MAP3K19: variants seen among roughly 807,000 people sequenced by gnomAD.
MAP3K19 encodes the protein SPS1/STE20-related protein kinase YSK4.
Under a neutral mutation model 114.4 loss-of-function variants are expected in MAP3K19, and 91 were observed. The observed-to-expected ratio is 0.80, with a 90% CI of 0.67 to 0.95. MAP3K19 has a LOEUF of 0.95. Ranked by LOEUF, MAP3K19 falls within the 40% of genes least tolerant of loss-of-function variation. The pLI, the probability that MAP3K19 is intolerant of heterozygous loss-of-function variation, is 0.00. For synonymous variants in MAP3K19, 518 were observed against 530.5 expected, an observed-to-expected ratio of 0.98 and a Z score of 0.32; for missense variants, 1,471 against 1,573.2, an observed-to-expected ratio of 0.94 and a Z score of 1.10.
At chr2:135,007,969 A>C (rs1218893779) in intron 5 of MAP3K19, among the ~76,000 whole-genome samples, 1 of 152,228 alleles carries the variant, frequency 6.6e-6, no homozygotes, top group Non-Finnish European at 1.5e-5. Flanking sequence ...TGTTTCTCTT[A>C]AGTATTTAAA....
chr2:135,009,172 C>A (rs931287302), intron 5 of MAP3K19, among the ~76,000 whole-genome samples: 1 of 148,784 alleles, frequency 6.7e-6, no homozygotes, highest in African/African-American at 2.5e-5. Flanking sequence ...AATATGTTTA[C>A]CAGGCTGGTC....
At chr2:135,045,747 A>G (rs976911814) in intron 1 of MAP3K19, among the ~76,000 whole-genome samples, 10 of 152,242 alleles carry the variant, frequency 6.6e-5, no homozygotes, top group African/African-American at 2.4e-4. Context: ...CTAAACTACA[A>G]TCCCAAAATT....
chr2:134,999,816 T>A lies in MAP3K19; in HGVS notation c.314+121A>T. 1 of 707,622 alleles carries A rather than the reference T, an allele frequency of 1.4e-6. No individual in the cohort carries two copies. The highest frequency in any genetic ancestry group is 2.5e-6 in the Non-Finnish European group (1 of 404,544). 43.8% of individuals were successfully genotyped at this position (707,622 alleles called of 1,614,324 possible). A position where few individuals can be genotyped will look rare whatever the true frequency, so the allele number is the denominator to read the frequency against. On this transcript the variant is annotated intron_variant, in intron 7 of 12. Coordinates refer to ENST00000392915, the MANE Select transcript of MAP3K19 (RefSeq NM_025052.5). The surrounding 1 kb of genome is among the most constrained non-coding windows in gnomAD (Gnocchi z 4.1). ...GATCTGGCCTCTGCCACATACTATT[T>A]ATTGTGACCTCTACTTTTAAGCATT...
At chr2:135,001,395 G>C (rs1339146463) in intron 6 of MAP3K19, among the ~76,000 whole-genome samples, 5 of 152,160 alleles carry the variant, frequency 3.3e-5, no homozygotes. Context: ...GCTATCACCA[G>C]ACTATGTAGC....
chr2:134,986,091 C>T lies in MAP3K19; in HGVS notation c.2781G>A (p.Leu927=). Reference sequence around the variant, plus strand: ...ACTTATTTGCTAAACTATCATGATCCAAATAATGTACCCAATATTGATATG... The same window carrying T: ...ACTTATTTGCTAAACTATCATGATCTAAATAATGTACCCAATATTGATATG... ...SQTYQYWVHY[L]DHDSLANKSI... Residue 927 remains leucine, a synonymous_variant, in exon 10 of 13, where the codon TTG becomes TTA. Coordinates refer to ENST00000392915, the MANE Select transcript of MAP3K19 (RefSeq NM_025052.5). 6.2e-7 allele frequency: 1 copy of T among 1,613,960 alleles called. No homozygotes were observed. The highest frequency in any genetic ancestry group is 8.5e-7 in the Non-Finnish European group (1 of 1,179,956).
chr2:135,040,438 G>A lies in MAP3K19; in HGVS notation c.-359C>T, dbSNP rs1194629592. ...CTGGGTGCTGAAAGTCAAGGTTTCC[G>A]AGGATGGATTGGACTTCGGTAATAT... is the stretch of plus-strand genomic sequence containing the variant. On this transcript the variant is annotated 5_prime_UTR_variant, in exon 2 of 13. Coordinates refer to ENST00000392915, the MANE Select transcript of MAP3K19 (RefSeq NM_025052.5). The A allele has an allele frequency of 2.6e-5, 4 of 152,626 alleles. No individual in the cohort carries two copies. Among genetic ancestry groups the A allele is most frequent in the Non-Finnish European group, 5.9e-5 (4 of 68,050 alleles). 9.5% of individuals were successfully genotyped at this position (152,626 alleles called of 1,614,324 possible). A position where few individuals can be genotyped will look rare whatever the true frequency, so the allele number is the denominator to read the frequency against.
chr2:134,981,594 G>C (rs1684662891), intron 11 of MAP3K19, 76 bp from the exon 12 acceptor site: 1 of 1,111,836 alleles, frequency 9.0e-7, no homozygotes, highest in African/African-American at 1.6e-5. Flanking sequence ...GGTGACACTT[G>C]ACTTTCCCTT....
intron 1 of MAP3K19, among the ~76,000 whole-genome samples, chr2:135,045,879 T>C (rs1000446113): frequency 1.3e-5 from 2 of 151,784 alleles, no homozygotes; most frequent in Admixed American, 6.6e-5. Context: ...GCATTATCCC[T>C]ATATGCAGGT....
At chr2:135,022,607 T>C (rs1050931522) in intron 4 of MAP3K19, among the ~76,000 whole-genome samples, 27 of 152,338 alleles carry the variant, frequency 1.8e-4, no homozygotes, top group African/African-American at 5.8e-4. Flanking sequence ...GAATTGAGGA[T>C]AATTTCTGCA....
Position 134,998,907 on chromosome 2 carries a change from C to T in MAP3K19, c.405G>A (p.Lys135=). ...EIETVELRKK[K]LTMRPLVLQK... ...GCAAAACTAAGGGCCGCATGGTCAG[C>T]TTCTTTTTCCTGAGCTCCACCGTTT... The change falls in exon 8 of 13, where the codon AAG becomes AAA. Residue 135 remains lysine, a synonymous_variant. Transcript: ENST00000392915. The T allele has an allele frequency of 6.2e-7, 1 of 1,614,164 alleles. No individual in the cohort carries two copies. Among genetic ancestry groups the T allele is most frequent in the East Asian group, 2.2e-5 (1 of 44,890 alleles).
chr2:135,006,208 C>T (rs370267644), intron 5 of MAP3K19, among the ~76,000 whole-genome samples: 3 of 152,144 alleles, frequency 2.0e-5, no homozygotes, highest in Admixed American at 2.0e-4. Flanking sequence ...TTCCTTCATT[C>T]GAAGTTATAG....
rs1353740934 is a variant in MAP3K19, at chr2:135,010,002, G to A, written c.139-4471C>T. ...GGTCACACAGCTAGCCAGTGGCAGA[G>A]CCAGAATTTACACCCAGACTGTGAA... On this transcript the variant is annotated intron_variant, in intron 5 of 12. Coordinates refer to ENST00000392915, the MANE Select transcript of MAP3K19 (RefSeq NM_025052.5). Among the ~76,000 whole-genome samples, 3 of 152,126 alleles carry A rather than the reference G, an allele frequency of 2.0e-5. No homozygotes were observed. In the East Asian group the frequency reaches 5.8e-4, roughly 29 times the overall value.
intron 1 of MAP3K19, among the ~76,000 whole-genome samples, chr2:135,044,050 G>A (rs1688694204): frequency 6.6e-6 from 1 of 152,152 alleles, no homozygotes; most frequent in Admixed American, 6.5e-5. Flanking sequence ...ATCTACCTTT[G>A]TTCAAAGTGA....
chr2:134,990,957 G>A lies in MAP3K19; in HGVS notation c.618+580C>T, dbSNP rs115758876. 3.1e-3 allele frequency among the ~76,000 whole-genome samples: 471 copies of A among 152,216 alleles called. 2 individuals carry two copies. The highest frequency in any genetic ancestry group is 0.01 in the African/African-American group (425 of 41,532). ...CATCTGTAACCCTAGCACTTTGGGA[G>A]GCTAAGGGGGAGTATTGCTTGAGGC... On this transcript the variant is annotated intron_variant, in intron 9 of 12. Coordinates refer to ENST00000392915, the MANE Select transcript of MAP3K19 (RefSeq NM_025052.5).
At chr2:135,041,083 A>G (rs1245480610) in intron 1 of MAP3K19, among the ~76,000 whole-genome samples, 1 of 151,912 alleles carries the variant, frequency 6.6e-6, no homozygotes, top group Non-Finnish European at 1.5e-5. Flanking sequence ...ACCACCTTAT[A>G]CGTATTTCCT....
chr2:134,986,710 G>GT lies in MAP3K19; in HGVS notation c.2161dup (p.Thr721AsnfsTer13), dbSNP rs771955948. 15 of 1,613,966 alleles carry GT rather than the reference G, an allele frequency of 9.3e-6. No individual in the cohort carries two copies. Among genetic ancestry groups the GT allele is most frequent in the Non-Finnish European group, 9.3e-6 (11 of 1,179,978 alleles). On this transcript the variant is annotated frameshift_variant, in exon 10 of 13. Transcript: ENST00000392915. LOFTEE classifies it high-confidence loss of function. ...TGAAGTCTTTGGGCATTTCATATGT[G>GT]TTTTTTTCTGAGAAAGTCTTGTTCT...
At chr2:135,036,420 A>T (rs953730730) in intron 2 of MAP3K19, among the ~76,000 whole-genome samples, 7 of 152,208 alleles carry the variant, frequency 4.6e-5, no homozygotes, top group Admixed American at 2.0e-4. Context: ...TGAATGAGTG[A>T]ATGAGTAGTT....
intron 5 of MAP3K19, among the ~76,000 whole-genome samples, chr2:135,020,529 C>A (rs910821610): frequency 7.9e-5 from 12 of 152,132 alleles, no homozygotes; most frequent in Non-Finnish European, 1.6e-4. Flanking sequence ...TTTTGTTACC[C>A]ATGCCAGTCC....
chr2:134,968,634 G>A (rs536189346), intron 12 of MAP3K19, among the ~76,000 whole-genome samples: 6 of 150,368 alleles, frequency 4.0e-5, no homozygotes, highest in Admixed American at 1.3e-4. Context: ...CTTCTCAGAC[G>A]GGGCGGCCGG....
Sources: gnomAD v4.1 joint callset for allele counts (sites outside exome capture counted in the v4.1 genomes callset) on GRCh38, gnomAD v4.1.1 for gene constraint, Gnocchi (gnomAD v3.1) non-coding constraint, MANE v1.5 for transcripts, NCBI Gene and HGNC (gene_info 2026-07-23, HGNC 2026-07-21) for gene names.